Variants in MACROH2A1 observed in about 807,000 individuals in gnomAD.
MACROH2A1 encodes core histone macro-H2A.1.
In MACROH2A1, 2 loss-of-function variants were observed where a neutral mutation model predicts 31.6. The ratio of observed to expected loss-of-function variants is 0.06; its 90% CI spans 0.03 to 0.20. The LOEUF (loss-of-function observed/expected upper bound fraction) is 0.20, where lower values mean the gene tolerates loss of function less well. Ranked by LOEUF, MACROH2A1 falls within the 10% of genes least tolerant of loss-of-function variation. The probability of loss-of-function intolerance (pLI) is 1.00; values close to 1 mark genes in which losing one functional copy is unlikely to be tolerated. For missense variants in MACROH2A1, 230 were observed against 474.0 expected (o/e 0.49, Z 4.78); for synonymous variants, 169 against 189.6 (o/e 0.89, Z 0.89).
chr5:135,355,965 GA>G (rs1300874864), intron 5 of MACROH2A1: 2 of 152,228 alleles, frequency 1.3e-5, no homozygotes, highest in African/African-American at 4.8e-5. Context: ...TGTGGGTTAG[GA>G]AATCAGATTT....
chr5:135,352,015 G>A (rs1761648474), intron 6 of MACROH2A1, among the ~76,000 whole-genome samples: 1 of 151,822 alleles, frequency 6.6e-6, no homozygotes, highest in Non-Finnish European at 1.5e-5. Flanking sequence ...GCCCACTGTT[G>A]CACCCAGTTC....
intron 1 of MACROH2A1, among the ~76,000 whole-genome samples, chr5:135,394,698 C>T (rs552910829): frequency 4.6e-5 from 7 of 152,338 alleles, no homozygotes; most frequent in African/African-American, 1.7e-4. Flanking sequence ...AGTTCTGAAA[C>T]CAGCTATCCC....
At chr5:135,357,971 T>G in intron 5 of MACROH2A1, 1 of 985,366 alleles carries the variant, frequency 1.0e-6, no homozygotes, top group Non-Finnish European at 1.2e-6. Context: ...CTTCAAGCAC[T>G]GGTTTCAGTG....
chr5:135,336,248 C>A (rs1758633434), intron 8 of MACROH2A1, among the ~76,000 whole-genome samples: 1 of 152,206 alleles, frequency 6.6e-6, no homozygotes, highest in African/African-American at 2.4e-5. Flanking sequence ...GCACTCTGAA[C>A]CTCCTGGCTT....
At chr5:135,389,279 G>C (rs1424737244) in intron 1 of MACROH2A1, 153 bp from the exon 2 acceptor site, 2 of 460,266 alleles carry the variant, frequency 4.3e-6, no homozygotes. Context: ...GATGCACTCC[G>C]CTGGAGCAGT....
chr5:135,383,472 C>T (rs2149924005), intron 2 of MACROH2A1, among the ~76,000 whole-genome samples: 1 of 152,282 alleles, frequency 6.6e-6, no homozygotes, highest in South Asian at 2.1e-4. Context: ...AAATTACTCA[C>T]ATAACCAGAA....
intron 7 of MACROH2A1, chr5:135,344,997 C>G (rs1760589428): frequency 6.6e-6 from 1 of 152,154 alleles, no homozygotes; most frequent in South Asian, 2.1e-4. Context: ...GCCAGCTGCC[C>G]CTGGCTAGGT....
chr5:135,386,260 T>C (rs949355654), intron 2 of MACROH2A1, among the ~76,000 whole-genome samples: 30 of 152,180 alleles, frequency 2.0e-4, no homozygotes, highest in African/African-American at 7.0e-4. Flanking sequence ...TCCTCTCCCA[T>C]CACAAAACAG....
At chr5:135,349,910 TGAG>T (rs1453545543) in intron 6 of MACROH2A1, among the ~76,000 whole-genome samples, 1 of 152,196 alleles carries the variant, frequency 6.6e-6, no homozygotes, top group South Asian at 2.1e-4. Flanking sequence ...CCTGAAGCAC[TGAG>T]GAGTTAAGTG....
At chr5:135,346,254 T>G in intron 6 of MACROH2A1, 197 bp from the exon 7 acceptor site, 2 of 580,060 alleles carry the variant, frequency 3.4e-6, no homozygotes, top group East Asian at 5.9e-5. Flanking sequence ...ACCCTCAAAT[T>G]GCTGCTTCAT....
In MACROH2A1 at chr5:135,343,441, G is replaced by T. The variant is rs1159760444; in HGVS notation, c.779-7C>A. On this transcript the variant is annotated splice_polypyrimidine_tract_variant and splice_region_variant and intron_variant, in intron 7 of 8. Coordinates refer to ENST00000511689, the MANE Select transcript of MACROH2A1 (RefSeq NM_138610.3). ...TGGCCTGCGCTGACAGCAGCTAGTGGTGCGGGGATGAAACAGAAACAGTGA... is the reference window on the plus strand; with the variant it reads ...TGGCCTGCGCTGACAGCAGCTAGTGTTGCGGGGATGAAACAGAAACAGTGA... The T allele has an allele frequency of 6.2e-7, 1 of 1,612,938 alleles. No individual in the cohort carries two copies. Among genetic ancestry groups the T allele is most frequent in the Non-Finnish European group, 8.5e-7 (1 of 1,179,190 alleles).
intron 8 of MACROH2A1, among the ~76,000 whole-genome samples, chr5:135,341,118 G>A (rs1370485108): frequency 1.3e-5 from 2 of 152,178 alleles, no homozygotes; most frequent in Non-Finnish European, 1.5e-5. Context: ...CTCCCTCTGC[G>A]GAAGCACCTT....
At chr5:135,385,793 C>G (rs1198924865) in intron 2 of MACROH2A1, among the ~76,000 whole-genome samples, 2 of 152,200 alleles carry the variant, frequency 1.3e-5, no homozygotes, top group Non-Finnish European at 2.9e-5. Flanking sequence ...CCTGGGCCCT[C>G]GTTTGGCCTG....
chr5:135,392,421 G>A (rs1342327037), intron 1 of MACROH2A1, among the ~76,000 whole-genome samples: 1 of 152,128 alleles, frequency 6.6e-6, no homozygotes, highest in Non-Finnish European at 1.5e-5. Flanking sequence ...CCACCAATGG[G>A]GTTGTCTTGC....
chr5:135,383,700 G>GGTGTGTGTGTGTGTGT (rs61338247), intron 2 of MACROH2A1, among the ~76,000 whole-genome samples: 7 of 137,224 alleles, frequency 5.1e-5, no homozygotes, highest in South Asian at 2.4e-4. Context: ...GATGTGGTGT[G>GGTGTGTGTGTGTGTGT]GTGTGTGTGT....
chr5:135,338,392 A>G (rs750451220), intron 8 of MACROH2A1, among the ~76,000 whole-genome samples: 4 of 152,230 alleles, frequency 2.6e-5, no homozygotes, highest in Non-Finnish European at 5.9e-5. Context: ...TGGCACAGAG[A>G]GTCTTCAGTT....
intron 4 of MACROH2A1, among the ~76,000 whole-genome samples, chr5:135,367,024 C>G (rs1763590552): frequency 6.6e-6 from 1 of 152,136 alleles, no homozygotes; most frequent in African/African-American, 2.4e-5. Flanking sequence ...TTCAAAACCT[C>G]CAAATTATGT....
chr5:135,344,172 G>C (rs1480155385), intron 7 of MACROH2A1: 1 of 152,628 alleles, frequency 6.6e-6, no homozygotes, highest in Non-Finnish European at 1.5e-5. Flanking sequence ...CACAGGCCTG[G>C]GGTCTGCCAC....
intron 2 of MACROH2A1, among the ~76,000 whole-genome samples, chr5:135,372,867 C>T (rs113512766): frequency 9.2e-5 from 14 of 152,348 alleles, no homozygotes; most frequent in African/African-American, 2.6e-4. Flanking sequence ...GCTTCCCCTC[C>T]CTTCCACAAC....
Sources: gnomAD v4.1 joint callset for allele counts (sites outside exome capture counted in the v4.1 genomes callset) on GRCh38, gnomAD v4.1.1 for gene constraint, MANE v1.5 for transcripts, NCBI Gene and HGNC (gene_info 2026-07-23, HGNC 2026-07-21) for gene names.